The following RLN3 variants were observed in gnomAD, a reference collection of about 807,000 sequenced individuals.
RLN3 encodes relaxin-3.
RLN3 carries 13 observed loss-of-function variants against 10.2 expected under a neutral mutation model. The observed-to-expected ratio is 1.28, with a 90% CI of 0.83 to 2.03. The LOEUF (loss-of-function observed/expected upper bound fraction) is 2.03, where lower values mean the gene tolerates loss of function less well. RLN3 is among the 30% of genes most tolerant of loss of function. RLN3 has a pLI of 0.00. For synonymous variants in RLN3, 56 were observed against 79.2 expected (o/e 0.71, Z 1.56); for missense variants, 191 against 187.2 (o/e 1.02, Z -0.12).
Position 14,028,243 on chromosome 19 carries a change from G to A in RLN3, c.39G>A (p.Trp13Ter), listed in dbSNP as rs1172681132. 1.9e-6 allele frequency: 3 copies of A among 1,610,280 alleles called. No homozygotes were observed. The highest frequency in any genetic ancestry group is 1.3e-5 in the African/African-American group (1 of 74,874). Residue 13 changes from tryptophan to a stop codon, truncating the protein, a stop_gained, in exon 1 of 2, where the codon TGG becomes TGA. Coordinates refer to ENST00000431365, the MANE Select transcript of RLN3 (RefSeq NM_080864.4). LOFTEE classifies it high-confidence loss of function. ...RYMLLLLLAVWVLTGELWPGA... is the reference protein window; with the variant it reads ...RYMLLLLLAV The stretch of plus-strand genomic sequence containing the variant: ...TGCTGCTGCTGCTCCTGGCGGTATG[G>A]GTGCTGACCGGGGAGCTGTGGCCGG...
intron 1 of RLN3, chr19:14,030,170 T>TA: frequency 2.1e-6 from 1 of 482,008 alleles, no homozygotes; most frequent in Admixed American, 3.3e-5. Flanking sequence ...TTGTTCTAAG[T>TA]TTTTTTTTTT....
At chr19:14,029,645 C>T (rs1332067695) in intron 1 of RLN3, among the ~76,000 whole-genome samples, 1 of 151,908 alleles carries the variant, frequency 6.6e-6, no homozygotes, top group African/African-American at 2.4e-5. Flanking sequence ...GCCACCGCGC[C>T]CAGCCATGCA....
At position 14,030,693 on chromosome 19, in the gene RLN3, CT is replaced by C; in HGVS notation, c.191-16del. 1 of 1,608,278 alleles carries C rather than the reference CT, an allele frequency of 6.2e-7. No individual in the cohort carries two copies. Among genetic ancestry groups the C allele is most frequent in the South Asian group, 1.1e-5 (1 of 90,952 alleles). On this transcript the variant is annotated splice_polypyrimidine_tract_variant and intron_variant, in intron 1 of 1. Coordinates refer to ENST00000431365, the MANE Select transcript of RLN3 (RefSeq NM_080864.4). The stretch of plus-strand genomic sequence containing the variant: ...AGCAGCTGAGCCCTGATCACTAACT[CT>C]GTTCATCTTTTGCAGGAGATACCTT...
chr19:14,028,523 C>A, intron 1 of RLN3, 129 bp downstream of exon 1: 2 of 763,870 alleles, frequency 2.6e-6, no homozygotes, highest in Non-Finnish European at 4.1e-6. Flanking sequence ...CAGCCAGGGA[C>A]ACCTGCCCAG....
In RLN3 at chr19:14,030,955, G is replaced by A. The variant is rs779038940; in HGVS notation, c.*7G>A. ...AATCAGTAGCCTTTGCTAGTTTGAG[G>A]GCTGGGCAGCCGTGGGCACCAGGAC... On this transcript the variant is annotated 3_prime_UTR_variant, in exon 2 of 2. Transcript: ENST00000431365. 6.5e-7 allele frequency: 1 copy of A among 1,543,388 alleles called. No individual in the cohort carries two copies. Among genetic ancestry groups the A allele is most frequent in the Admixed American group, 1.9e-5 (1 of 52,442 alleles).
rs374249740 is a variant in RLN3, at chr19:14,028,740, G to T, written c.190+346G>T. 2.6e-5 allele frequency among the ~76,000 whole-genome samples: 4 copies of T among 152,256 alleles called. No homozygotes were observed. The South Asian group carries it at 8.3e-4, about 32-fold the overall frequency. On this transcript the variant is annotated intron_variant, in intron 1 of 1. Coordinates refer to ENST00000431365, the MANE Select transcript of RLN3 (RefSeq NM_080864.4). ...TAGCTGGGTTTGTCACCTAATGCAT[G>T]ACCTCTCCCCAGCAAGTTGGTTTTT... is the stretch of plus-strand genomic sequence containing the variant.
At position 14,030,917 on chromosome 19, in the gene RLN3, G is replaced by T; in HGVS notation, c.398G>T (p.Cys133Phe). The T allele has an allele frequency of 6.3e-7, 1 of 1,585,802 alleles. No homozygotes were observed. Among genetic ancestry groups the T allele is most frequent in the Non-Finnish European group, 8.6e-7 (1 of 1,164,296 alleles). The change falls in exon 2 of 2, where the codon TGT (cysteine) becomes TTT (phenylalanine). Residue 133 changes from cysteine to phenylalanine, a missense_variant. Cys to Phe is a radical substitution (Grantham distance 205, BLOSUM62 -2). Coordinates refer to ENST00000431365, the MANE Select transcript of RLN3 (RefSeq NM_080864.4). ...GLSSSCCKWG[C>F]SKSEISSLC ...TCCAGCAGCTGCTGCAAGTGGGGGT[G>T]TAGCAAAAGTGAAATCAGTAGCCTT... is the stretch of plus-strand genomic sequence containing the variant.
Position 14,030,833 on chromosome 19 carries a change from C to G in RLN3, c.314C>G (p.Pro105Arg). 1 of 1,613,684 alleles carries G rather than the reference C, an allele frequency of 6.2e-7. No individual in the cohort carries two copies. Among genetic ancestry groups the G allele is most frequent in the Non-Finnish European group, 8.5e-7 (1 of 1,179,686 alleles). Residue 105 changes from proline (P) to arginine (R), a missense_variant, in exon 2 of 2, where the codon CCC becomes CGC. Physicochemically the swap from Pro to Arg is moderately radical, Grantham distance 103 (BLOSUM62 -2). Transcript: ENST00000431365. ...CCCCAGGCCTTTTACAGGGGGCGAC[C>G]CAGCTGGCAAGGAACCCCTGGGGTT... ...KSPQAFYRGR[P>R]SWQGTPGVLR...
At chr19:14,030,580 G>A in intron 1 of RLN3, 130 bp from the exon 2 acceptor site, 1 of 867,402 alleles carries the variant, frequency 1.2e-6, no homozygotes, top group Non-Finnish European at 1.9e-6. Flanking sequence ...ACCCAGGACT[G>A]GGTGGAATAA....
intron 1 of RLN3, chr19:14,030,332 G>A: frequency 2.8e-6 from 2 of 702,016 alleles, no homozygotes; most frequent in African/African-American, 1.7e-5. Context: ...GCTCCCAAAT[G>A]TACCAGGTCC....
intron 1 of RLN3, among the ~76,000 whole-genome samples, chr19:14,029,806 AATTATTATTATTATT>A (rs58482695): frequency 7.0e-6 from 1 of 142,324 alleles, no homozygotes; most frequent in Non-Finnish European, 1.5e-5. Flanking sequence ...GTGATCAATA[AATTATTATTATTATT>A]ATTATTATTA....
At position 14,030,840 on chromosome 19, in the gene RLN3, G is replaced by A. The variant is rs1235744576; in HGVS notation, c.321G>A (p.Trp107Ter). 2 of 1,613,470 alleles carry A rather than the reference G, an allele frequency of 1.2e-6. No individual in the cohort carries two copies. Among genetic ancestry groups the A allele is most frequent in the South Asian group, 1.1e-5 (1 of 91,066 alleles). ...PQAFYRGRPSWQGTPGVLRGS... is the reference protein window; with the variant it reads ...PQAFYRGRPS ...CCTTTTACAGGGGGCGACCCAGCTG[G>A]CAAGGAACCCCTGGGGTTCTTCGGG... The change falls in exon 2 of 2, where the codon TGG becomes TGA. Residue 107 changes from tryptophan (W) to a stop codon, truncating the protein, a stop_gained. Coordinates refer to ENST00000431365, the MANE Select transcript of RLN3 (RefSeq NM_080864.4). LOFTEE classifies it high-confidence loss of function.
At chr19:14,030,104 G>C in intron 1 of RLN3, 1 of 577,338 alleles carries the variant, frequency 1.7e-6, no homozygotes, top group Non-Finnish European at 3.1e-6. Context: ...TTACAGGTGT[G>C]AGACACCGTG....
intron 1 of RLN3, among the ~76,000 whole-genome samples, chr19:14,029,207 G>A (rs1975761297): frequency 6.6e-6 from 1 of 152,082 alleles, no homozygotes; most frequent in South Asian, 2.1e-4. Context: ...GGGAACAGAA[G>A]ACCTAGCTTC....
chr19:14,030,852 TG>T lies in RLN3; in HGVS notation c.337del (p.Val113PhefsTer52). The T allele has an allele frequency of 6.2e-7, 1 of 1,612,982 alleles. No homozygotes were observed. The highest frequency in any genetic ancestry group is 8.5e-7 in the Non-Finnish European group (1 of 1,179,184). On this transcript the variant is annotated frameshift_variant, in exon 2 of 2. Coordinates refer to ENST00000431365, the MANE Select transcript of RLN3 (RefSeq NM_080864.4). LOFTEE classifies it high-confidence loss of function. Reference protein sequence around the residue: ...RGRPSWQGTPGVLRGSRDVLA... With the variant: ...RGRPSWQGTPXVLRGSRDVLA... ...GGCGACCCAGCTGGCAAGGAACCCC[TG>T]GGGTTCTTCGGGGCAGCCGAGATGT...
intron 1 of RLN3, among the ~76,000 whole-genome samples, chr19:14,029,825 A>ATTATTG (rs1262826863): frequency 6.7e-6 from 1 of 149,090 alleles, no homozygotes; most frequent in Non-Finnish European, 1.5e-5. Flanking sequence ...TATTATTATT[A>ATTATTG]TTATTATTAT....
In RLN3 at chr19:14,031,333, G is replaced by T; in HGVS notation, c.*385G>T. On this transcript the variant is annotated 3_prime_UTR_variant, in exon 2 of 2. Transcript: ENST00000431365. ...CTGCCCCCTTCCCAGTCCAAACTGT[G>T]GCCATTGTCCCCTGACCAGCTAAAA... The T allele has an allele frequency of 4.4e-6, 1 of 229,110 alleles. No homozygotes were observed. Among genetic ancestry groups the T allele is most frequent in the East Asian group, 1.1e-4 (1 of 9,142 alleles). The allele number at this position is 229,110 out of a possible 1,614,324, so 14.2% of individuals were successfully genotyped here.
Position 14,030,915 on chromosome 19 carries a change from G to A in RLN3, c.396G>A (p.Gly132=). The change falls in exon 2 of 2, where the codon GGG becomes GGA. Residue 132 remains glycine, a synonymous_variant. Transcript: ENST00000431365. ...TTTCCAGCAGCTGCTGCAAGTGGGG[G>A]TGTAGCAAAAGTGAAATCAGTAGCC... The part of the protein sequence containing the change: ...AGLSSSCCKW[G]CSKSEISSLC The A allele has an allele frequency of 6.3e-7, 1 of 1,588,254 alleles. No individual in the cohort carries two copies.
In RLN3 at chr19:14,031,502, G is replaced by A. The variant is rs765331137; in HGVS notation, c.*554G>A. On this transcript the variant is annotated 3_prime_UTR_variant, in exon 2 of 2. Transcript: ENST00000431365. ...AGGTGGCCCCCCTAGGAGAGCTCTG[G>A]GCACATTCGAATCTTCCCAAACTCC... 26 of 299,970 alleles carry A rather than the reference G, an allele frequency of 8.7e-5. No homozygotes were observed. The highest frequency in any genetic ancestry group is 1.4e-4 in the Non-Finnish European group (22 of 160,400). 18.6% of individuals were successfully genotyped at this position (299,970 alleles called of 1,614,324 possible).
Sources: allele counts gnomAD v4.1 joint callset (sites outside exome capture counted in the v4.1 genomes callset), GRCh38; gene constraint gnomAD v4.1.1; transcripts MANE v1.5; gene names NCBI Gene and HGNC (gene_info 2026-07-23, HGNC 2026-07-21).